The following FLRT1 variants were observed in gnomAD, a reference collection of about 807,000 sequenced individuals.
FLRT1 encodes the protein leucine-rich repeat transmembrane protein FLRT1.
FLRT1 carries 14 observed loss-of-function variants against 30.9 expected under a neutral mutation model. The observed-to-expected ratio is 0.45, with a 90% CI of 0.30 to 0.71. FLRT1 has a LOEUF of 0.71. FLRT1 is among the 30% of genes least tolerant of loss of function. The pLI is 0.08. For missense variants in FLRT1, 737 were observed against 949.2 expected, an observed-to-expected ratio of 0.78 and a Z score of 2.94; for synonymous variants, 368 against 430.4, an observed-to-expected ratio of 0.85 and a Z score of 1.80.
At chr11:64,101,219 G>A (rs1944665128) in intron 1 of FLRT1, among the ~76,000 whole-genome samples, 1 of 152,116 alleles carries the variant, frequency 6.6e-6, no homozygotes, top group South Asian at 2.1e-4. Flanking sequence ...AGCCAGCTCA[G>A]GGCATTAGTG....
chr11:64,043,866 C>T (rs1353379870), intron 1 of FLRT1, among the ~76,000 whole-genome samples: 1 of 149,878 alleles, frequency 6.7e-6, no homozygotes, highest in Non-Finnish European at 1.5e-5. Context: ...GACTGGAGTG[C>T]GATGGTGCAA....
chr11:64,039,410 C>T (rs1202422953), intron 1 of FLRT1, among the ~76,000 whole-genome samples: 5 of 152,086 alleles, frequency 3.3e-5, no homozygotes, highest in African/African-American at 1.2e-4. Flanking sequence ...TGTTTGAGGT[C>T]GGGTGGTAGC....
At chr11:64,109,422 C>T (rs1237924159) in intron 2 of FLRT1, among the ~76,000 whole-genome samples, 3 of 152,166 alleles carry the variant, frequency 2.0e-5, no homozygotes, top group African/African-American at 7.2e-5. Context: ...GCCGGCCTCT[C>T]CCCACTCGTG....
intron 1 of FLRT1, among the ~76,000 whole-genome samples, chr11:64,099,875 G>A (rs1944641503): frequency 6.6e-6 from 1 of 151,546 alleles, no homozygotes; most frequent in African/African-American, 2.4e-5. Flanking sequence ...TGAGATGGAG[G>A]GATCGAGAAA....
chr11:64,113,756 G>T (rs1052721683), intron 2 of FLRT1, among the ~76,000 whole-genome samples: 1 of 146,522 alleles, frequency 6.8e-6, no homozygotes, highest in African/African-American at 2.5e-5. Flanking sequence ...ATGGATGGAC[G>T]GACAGGTAAA....
At chr11:64,085,020 T>C (rs1944369612) in intron 1 of FLRT1, among the ~76,000 whole-genome samples, 2 of 152,242 alleles carry the variant, frequency 1.3e-5, no homozygotes, top group African/African-American at 4.8e-5. Context: ...ATGGGTCCTA[T>C]TATCCCCATT....
At position 64,082,596 on chromosome 11, in the gene FLRT1, C is replaced by T. The variant is rs1364847065; in HGVS notation, c.-1037-20598C>T. Among the ~76,000 whole-genome samples, 1 of 152,050 alleles carries T rather than the reference C, an allele frequency of 6.6e-6. No homozygotes were observed. The highest frequency in any genetic ancestry group is 1.5e-5 in the Non-Finnish European group (1 of 67,972). On this transcript the variant is annotated intron_variant, in intron 1 of 2. Coordinates refer to ENST00000682287, the MANE Select transcript of FLRT1 (RefSeq NM_013280.5). This position sits in a 1 kb window ranked among gnomAD's most constrained non-coding sequence, Gnocchi z 4.5. ...AGATTCAGGTGAAGCTTAGGGGTCC[C>T]TGGGCTGAAGACGGAACCTCTGAGT...
chr11:64,055,900 G>A (rs1943776707), intron 1 of FLRT1, among the ~76,000 whole-genome samples: 1 of 152,210 alleles, frequency 6.6e-6, no homozygotes, highest in Non-Finnish European at 1.5e-5. Flanking sequence ...TGGCAGGCAG[G>A]GCACAGCAGG....
rs752962938 is a variant in FLRT1 at position 64,117,423 on chromosome 11, G to C, written c.1156G>C (p.Gly386Arg). Residue 386 changes from glycine (G) to arginine (R), a missense_variant, in exon 3 of 3, where the codon GGC (glycine) becomes CGC (arginine). Coordinates refer to ENST00000682287, the MANE Select transcript of FLRT1 (RefSeq NM_013280.5). Reference sequence around the variant, plus strand: ...GTGTTTTGAGACGGGGCCGCAGGGCGGCGTGGCCAATGCGGCTGCCAAGAC... The same window carrying C: ...GTGTTTTGAGACGGGGCCGCAGGGCCGCGTGGCCAATGCGGCTGCCAAGAC... The part of the protein sequence containing the change: ...DECFETGPQG[G>R]VANAAAKTTA... 6.2e-7 allele frequency: 1 copy of C among 1,612,580 alleles called. No individual in the cohort carries two copies. Among genetic ancestry groups the C allele is most frequent in the Non-Finnish European group, 8.5e-7 (1 of 1,178,918 alleles).
rs961825528 is a variant in FLRT1 at position 64,067,291 on chromosome 11, G to A, written c.-1038+31132G>A. Among the ~76,000 whole-genome samples the A allele has an allele frequency of 2.0e-5, 3 of 152,120 alleles. No homozygotes were observed. The highest frequency in any genetic ancestry group is 4.4e-5 in the Non-Finnish European group (3 of 68,010). On this transcript the variant is annotated intron_variant, in intron 1 of 2. Coordinates refer to ENST00000682287, the MANE Select transcript of FLRT1 (RefSeq NM_013280.5). This position sits in a 1 kb window ranked among gnomAD's most constrained non-coding sequence, Gnocchi z 4.6. The stretch of plus-strand genomic sequence containing the variant: ...GGGAGGGAAGGAGCATCATTAACAC[G>A]ACATGGCCTCCTCCCCACTGCTCAG...
At chr11:64,060,006 T>A (rs561140392) in intron 1 of FLRT1, among the ~76,000 whole-genome samples, 2 of 152,186 alleles carry the variant, frequency 1.3e-5, no homozygotes, top group Admixed American at 1.3e-4. Context: ...GTGCGGGACG[T>A]CCAGGGGCCC....
chr11:64,085,838 G>A (rs1214718607), intron 1 of FLRT1, among the ~76,000 whole-genome samples: 1 of 152,220 alleles, frequency 6.6e-6, no homozygotes, highest in Non-Finnish European at 1.5e-5. Context: ...CAGCAGGGAT[G>A]CAGGAGGAAT....
At chr11:64,080,668 A>G (rs77387447) in intron 1 of FLRT1, among the ~76,000 whole-genome samples, 2,304 of 152,242 alleles carry the variant, frequency 0.015, 100 homozygotes, top group East Asian at 0.12. Flanking sequence ...TGCATCCACT[A>G]CACAGACCTC....
intron 2 of FLRT1, among the ~76,000 whole-genome samples, chr11:64,107,338 T>G (rs1423648824): frequency 1.3e-5 from 2 of 149,894 alleles, no homozygotes; most frequent in African/African-American, 4.9e-5. Context: ...TCTCCTTTCA[T>G]CCCCCCACCC....
intron 1 of FLRT1, among the ~76,000 whole-genome samples, chr11:64,041,640 TGGTGTGGTGGCAGTGGAG>T (rs1217877620): frequency 4.6e-5 from 7 of 151,762 alleles, no homozygotes; most frequent in African/African-American, 1.7e-4. Flanking sequence ...CCTCGGGAGC[TGGTGTGGTGGCAGTGGAG>T]GGTCCAGCCT....
rs902404004 is a variant in FLRT1, at chr11:64,036,839, G to A, written c.-1038+680G>A. Among the ~76,000 whole-genome samples, 2 of 152,174 alleles carry A rather than the reference G, an allele frequency of 1.3e-5. No individual in the cohort carries two copies. The highest frequency in any genetic ancestry group is 2.4e-5 in the African/African-American group (1 of 41,438). The stretch of plus-strand genomic sequence containing the variant: ...CCCCATCCCCCAGCTCTCAAGACAA[G>A]GAGGCGGCCCGACCCGGCGGCGCAC... On this transcript the variant is annotated intron_variant, in intron 1 of 2. Coordinates refer to ENST00000682287, the MANE Select transcript of FLRT1 (RefSeq NM_013280.5). The surrounding 1 kb of genome is among the most constrained non-coding windows in gnomAD (Gnocchi z 5.6).
At chr11:64,077,787 G>A (rs527400428) in intron 1 of FLRT1, among the ~76,000 whole-genome samples, 1 of 152,358 alleles carries the variant, frequency 6.6e-6, no homozygotes, top group South Asian at 2.1e-4. Context: ...ACTGGGCCCT[G>A]GCTGGGCCTC....
In FLRT1 at chr11:64,062,771, G is replaced by A. The variant is rs374206175; in HGVS notation, c.-1038+26612G>A. ...CAGATGCCCACCCCAAAACCAGGCC[G>A]GGCAGGTCTGGGGTGCCTGGCTTTA... On this transcript the variant is annotated intron_variant, in intron 1 of 2. Transcript: ENST00000682287. Among the ~76,000 whole-genome samples, 12 of 152,246 alleles carry A rather than the reference G, an allele frequency of 7.9e-5. No individual in the cohort carries two copies. The East Asian group carries it at 1.9e-3, about 24-fold the overall frequency.
intron 1 of FLRT1, among the ~76,000 whole-genome samples, chr11:64,102,213 A>G (rs1944682588): frequency 6.6e-6 from 1 of 152,166 alleles, no homozygotes; most frequent in Non-Finnish European, 1.5e-5. Flanking sequence ...CTGCAGGGGG[A>G]ATACAGACAC....
Sources: gnomAD v4.1 joint callset for allele counts (sites outside exome capture counted in the v4.1 genomes callset) on GRCh38, gnomAD v4.1.1 for gene constraint, Gnocchi (gnomAD v3.1) non-coding constraint, MANE v1.5 for transcripts, NCBI Gene and HGNC (gene_info 2026-07-23, HGNC 2026-07-21) for gene names.